IQCM: variants seen among roughly 807,000 people sequenced by gnomAD.
The protein encoded by IQCM is IQ motif containing M, also known as IQ domain-containing protein M.
Under a neutral mutation model 57.6 loss-of-function variants are expected in IQCM, and 45 were observed. The ratio of observed to expected loss-of-function variants is 0.78; its 90% CI spans 0.62 to 1.00. The LOEUF is 1.00. Among genes scored for constraint, IQCM ranks in the 50% least tolerant of loss-of-function variants. IQCM has a pLI of 0.00. For synonymous variants in IQCM, 148 were observed against 158.9 expected, an observed-to-expected ratio of 0.93 and a Z score of 0.51; for missense variants, 468 against 511.6, an observed-to-expected ratio of 0.91 and a Z score of 0.82.
intron 12 of IQCM, among the ~76,000 whole-genome samples, chr4:149,487,831 C>T (rs574915038): frequency 7.2e-5 from 11 of 152,140 alleles, no homozygotes; most frequent in African/African-American, 9.6e-5. Flanking sequence ...GTGATACTGG[C>T]GATTCAAGAC....
At chr4:149,696,949 G>A (rs1763384775) in intron 5 of IQCM, among the ~76,000 whole-genome samples, 1 of 152,124 alleles carries the variant, frequency 6.6e-6, no homozygotes, top group South Asian at 2.1e-4. Context: ...GGAAAGGAAA[G>A]GTGGAACAAT....
At chr4:149,581,478 A>G (rs552920293) in intron 9 of IQCM, among the ~76,000 whole-genome samples, 1 of 151,730 alleles carries the variant, frequency 6.6e-6, no homozygotes, top group Non-Finnish European at 1.5e-5. Context: ...TAATAGGTGA[A>G]GAGAGAAAGA....
At chr4:149,435,054 C>T (rs1735219352) in intron 12 of IQCM, among the ~76,000 whole-genome samples, 1 of 152,136 alleles carries the variant, frequency 6.6e-6, no homozygotes, top group Non-Finnish European at 1.5e-5. Context: ...AACATTTGTT[C>T]TTTCCTCAGG....
chr4:149,566,962 C>A (rs995977445), intron 9 of IQCM, among the ~76,000 whole-genome samples: 1 of 152,142 alleles, frequency 6.6e-6, no homozygotes, highest in Non-Finnish European at 1.5e-5. Flanking sequence ...GAATCCTTAA[C>A]TATAAAACAT....
intron 13 of IQCM, among the ~76,000 whole-genome samples, chr4:149,380,277 C>T (rs1418422925): frequency 6.6e-6 from 1 of 151,852 alleles, no homozygotes; most frequent in Non-Finnish European, 1.5e-5. Flanking sequence ...TCCTTTAATA[C>T]TATTCCTTAA....
At chr4:149,631,381 A>G (rs1757250353) in intron 7 of IQCM, among the ~76,000 whole-genome samples, 1 of 152,188 alleles carries the variant, frequency 6.6e-6, no homozygotes, top group Non-Finnish European at 1.5e-5. Flanking sequence ...GAATCAGCAA[A>G]CTTGGGGTGG....
At chr4:149,489,072 T>C (rs954966305) in intron 12 of IQCM, among the ~76,000 whole-genome samples, 5 of 152,108 alleles carry the variant, frequency 3.3e-5, no homozygotes, top group Admixed American at 6.6e-5. Context: ...GGAGATCTAA[T>C]TGGATGTTCT....
chr4:149,635,893 T>C (rs1458905526), intron 7 of IQCM, among the ~76,000 whole-genome samples: 1 of 152,218 alleles, frequency 6.6e-6, no homozygotes, highest in Non-Finnish European at 1.5e-5. Flanking sequence ...TCATTATTTC[T>C]AGTAATAGAG....
At chr4:149,440,558 T>C (rs1735837681) in intron 12 of IQCM, among the ~76,000 whole-genome samples, 1 of 152,100 alleles carries the variant, frequency 6.6e-6, no homozygotes. Context: ...GCTTTATGCA[T>C]TTACTCAACA....
At chr4:149,433,864 T>C (rs1735103973) in intron 12 of IQCM, among the ~76,000 whole-genome samples, 1 of 152,014 alleles carries the variant, frequency 6.6e-6, no homozygotes, top group African/African-American at 2.4e-5. Context: ...CTATAACATA[T>C]CCATATATTC....
At chr4:149,788,223 A>G (rs1279255766) in intron 2 of IQCM, among the ~76,000 whole-genome samples, 1 of 152,194 alleles carries the variant, frequency 6.6e-6, no homozygotes, top group Admixed American at 6.5e-5. Context: ...AATCCCAGCT[A>G]CTTGGAAGGC....
chr4:149,748,980 T>G (rs574151622), intron 2 of IQCM, among the ~76,000 whole-genome samples: 3 of 152,282 alleles, frequency 2.0e-5, no homozygotes, highest in African/African-American at 7.2e-5. Context: ...GAAAAGACAT[T>G]CATTCAAAAC....
At position 149,788,132 on chromosome 4, in the gene IQCM, G is replaced by A. The variant is rs551109945; in HGVS notation, c.-49+27179C>T. Among the ~76,000 whole-genome samples, 6 of 152,190 alleles carry A rather than the reference G, an allele frequency of 3.9e-5. No homozygotes were observed. In the East Asian group the frequency reaches 9.7e-4, roughly 25 times the overall value. On this transcript the variant is annotated intron_variant, in intron 2 of 13. Transcript: ENST00000636793. ...GCAGATCACCTGAGGTCAGGAGTTCGAGACCAGCCTGGCCAACATGGTGAA... is the reference window on the plus strand; with the variant it reads ...GCAGATCACCTGAGGTCAGGAGTTCAAGACCAGCCTGGCCAACATGGTGAA...
At chr4:149,657,617 C>A (rs1311201253) in intron 7 of IQCM, among the ~76,000 whole-genome samples, 1 of 152,104 alleles carries the variant, frequency 6.6e-6, no homozygotes, top group Non-Finnish European at 1.5e-5. Flanking sequence ...AATTTACCAT[C>A]CTACTAGCAG....
At chr4:149,765,187 G>T (rs568602466) in intron 2 of IQCM, among the ~76,000 whole-genome samples, 2 of 152,130 alleles carry the variant, frequency 1.3e-5, no homozygotes, top group African/African-American at 4.8e-5. Flanking sequence ...CTAATGCTGG[G>T]ATCAGGGAAA....
At chr4:149,607,951 A>G (rs527772481) in intron 8 of IQCM, among the ~76,000 whole-genome samples, 2 of 152,104 alleles carry the variant, frequency 1.3e-5, no homozygotes, top group South Asian at 4.1e-4. Context: ...TAAATGAACT[A>G]AATTTTCCAA....
chr4:149,499,373 A>G (rs1427336744), intron 12 of IQCM, among the ~76,000 whole-genome samples: 1 of 152,204 alleles, frequency 6.6e-6, no homozygotes, highest in Non-Finnish European at 1.5e-5. Context: ...TAATTTTCTC[A>G]AGAAAACAAT....
At chr4:149,411,302 G>A (rs1052268362) in intron 13 of IQCM, among the ~76,000 whole-genome samples, 1 of 152,016 alleles carries the variant, frequency 6.6e-6, no homozygotes, top group African/African-American at 2.4e-5. Flanking sequence ...TTCTGTTGCA[G>A]AAAACAGAAT....
At chr4:149,698,286 C>T (rs536500130) in intron 5 of IQCM, among the ~76,000 whole-genome samples, 1 of 152,102 alleles carries the variant, frequency 6.6e-6, no homozygotes, top group East Asian at 1.9e-4. Flanking sequence ...ATTTCATAAT[C>T]CCGTAATAGC....
Sources: gnomAD v4.1 joint callset for allele counts (sites outside exome capture counted in the v4.1 genomes callset) on GRCh38, gnomAD v4.1.1 for gene constraint, MANE v1.5 for transcripts, NCBI Gene and HGNC (gene_info 2026-07-23, HGNC 2026-07-21) for gene names.